The following TNIP3 variants were observed in gnomAD, a reference collection of about 807,000 sequenced individuals.
TNIP3 encodes TNFAIP3 interacting protein 3.
In TNIP3, 34 loss-of-function variants were observed where a neutral mutation model predicts 54.1. The ratio of observed to expected loss-of-function variants is 0.63; its 90% confidence interval spans 0.48 to 0.84. The LOEUF is 0.84. Among genes scored for constraint, TNIP3 ranks in the 40% least tolerant of loss-of-function variants. TNIP3 has a pLI of 0.00. For synonymous variants in TNIP3, 134 were observed against 136.8 expected (o/e 0.98, Z 0.14); for missense variants, 366 against 387.6 (o/e 0.94, Z 0.47).
In TNIP3 at chr4:121,141,890, C is replaced by T. The variant is rs746466806; in HGVS notation, c.811G>A (p.Gly271Ser). 7.8e-5 allele frequency: 124 copies of T among 1,598,138 alleles called. No homozygotes were observed. Among genetic ancestry groups the T allele is most frequent in the Non-Finnish European group, 9.6e-5 (112 of 1,172,510 alleles). ...GGATCTTGCAGGTGGAAAACCAAGC[C>T]GCAGTTACAGGGTGGGCAATACATC... The part of the protein sequence containing the change: ...KQMYCPPCNC[G>S]LVFHLQDPWV... Residue 271 changes from glycine (G) to serine (S), a missense_variant, in exon 9 of 11, where the codon GGC becomes AGC. By Grantham distance (56) the Gly-to-Ser change is moderately conservative. Transcript: ENST00000057513.
At chr4:121,140,722 T>A (rs540564263) in intron 9 of TNIP3, among the ~76,000 whole-genome samples, 7 of 152,026 alleles carry the variant, frequency 4.6e-5, no homozygotes, top group Non-Finnish European at 1.0e-4. Context: ...AAAAAAAAAT[T>A]TAATGTTATT....
chr4:121,168,542 A>C (rs1730897416), upstream of TNIP3, among the ~76,000 whole-genome samples: 1 of 142,480 alleles, frequency 7.0e-6, no homozygotes, highest in Non-Finnish European at 1.5e-5. Flanking sequence ...TTTTTAAGAG[A>C]CAGAGTTATG....
chr4:121,180,381 CA>C (rs1186306214), intron 3 of TNIP3, among the ~76,000 whole-genome samples: 1 of 151,698 alleles, frequency 6.6e-6, no homozygotes, highest in African/African-American at 2.4e-5. Context: ...GCCTGGGCGA[CA>C]GAGCGAGACT....
At chr4:121,149,307 G>A (rs560231944) in intron 6 of TNIP3, among the ~76,000 whole-genome samples, 123 of 152,248 alleles carry the variant, frequency 8.1e-4, no homozygotes, top group African/African-American at 2.8e-3. Flanking sequence ...ATCCATACAC[G>A]GGACTAGCTG....
intron 2 of TNIP3, among the ~76,000 whole-genome samples, chr4:121,212,415 T>C (rs1253280356): frequency 2.6e-5 from 4 of 152,202 alleles, no homozygotes; most frequent in Non-Finnish European, 5.9e-5. Flanking sequence ...GACTGCTTTC[T>C]TAGTGTGGAA....
Position 121,154,648 on chromosome 4 carries a change from T to C in TNIP3, c.395A>G (p.His132Arg), listed in dbSNP as rs200081710. 2 of 1,611,764 alleles carry C rather than the reference T, an allele frequency of 1.2e-6. No homozygotes were observed. The highest frequency in any genetic ancestry group is 3.4e-5 in the Admixed American group (2 of 59,504). Reference protein sequence around the residue: ...KEKERLNEELHELKEENKLLK... With the variant: ...KEKERLNEELRELKEENKLLK... The stretch of plus-strand genomic sequence containing the variant: ...AAGTTTATTCTCTTCTTTCAATTCA[T>C]GTAATTCTTCATTTAGGCGTTCCTT... The change falls in exon 5 of 11, where the codon CAT (histidine) becomes CGT (arginine). Residue 132 changes from histidine to arginine, a missense_variant. His to Arg is a conservative substitution (Grantham distance 29). Transcript: ENST00000057513.
chr4:121,202,732 GAA>G (rs1318486129), intron 2 of TNIP3, among the ~76,000 whole-genome samples: 1 of 151,826 alleles, frequency 6.6e-6, no homozygotes, highest in African/African-American at 2.4e-5. Context: ...AAATCAGCAA[GAA>G]AAAACAGATA....
At chr4:121,214,834 A>G (rs919838150) in intron 2 of TNIP3, among the ~76,000 whole-genome samples, 1 of 152,218 alleles carries the variant, frequency 6.6e-6, no homozygotes, top group African/African-American at 2.4e-5. Context: ...AAATGTATAT[A>G]AAACAGATCA....
chr4:121,161,029 A>G, intron 2 of TNIP3, 107 bp downstream of exon 2: 1 of 881,940 alleles, frequency 1.1e-6, no homozygotes, highest in Non-Finnish European at 1.8e-6. Context: ...CTTAAAGATA[A>G]ATACTGTGAC....
chr4:121,214,050 G>A (rs1342466179), intron 2 of TNIP3, among the ~76,000 whole-genome samples: 2 of 152,046 alleles, frequency 1.3e-5, no homozygotes, highest in Non-Finnish European at 2.9e-5. Context: ...ATATCAATAC[G>A]TAGGACCGAA....
At chr4:121,142,936 C>A (rs903749453) in intron 7 of TNIP3, among the ~76,000 whole-genome samples, 160 bp from the exon 8 acceptor site, 2 of 152,172 alleles carry the variant, frequency 1.3e-5, no homozygotes, top group Admixed American at 6.5e-5. Context: ...CTTAAAATTT[C>A]CAGTTGCAGT....
chr4:121,179,255 A>G (rs538247015), intron 3 of TNIP3, among the ~76,000 whole-genome samples: 1 of 152,352 alleles, frequency 6.6e-6, no homozygotes, highest in South Asian at 2.1e-4. Context: ...AATATGTACG[A>G]ACTTGGCTTT....
intron 2 of TNIP3, among the ~76,000 whole-genome samples, chr4:121,208,040 C>A (rs376867877): frequency 1.3e-5 from 2 of 152,126 alleles, no homozygotes; most frequent in East Asian, 1.9e-4. Flanking sequence ...TTTTCTCTTG[C>A]GGCCGCCATG....
At chr4:121,145,573 T>A (rs1382999318) in intron 7 of TNIP3, among the ~76,000 whole-genome samples, 1 of 150,876 alleles carries the variant, frequency 6.6e-6, no homozygotes, top group East Asian at 1.9e-4. Flanking sequence ...CTATCACCAA[T>A]CTTAATATAG....
chr4:121,136,799 G>A (rs1303451031), intron 10 of TNIP3: 1 of 146,214 alleles, frequency 6.8e-6, no homozygotes, highest in East Asian at 2.1e-4. Context: ...AGGGTACAGT[G>A]AGCTATGATC....
At chr4:121,153,213 G>T (rs971271899) in intron 5 of TNIP3, among the ~76,000 whole-genome samples, 1 of 152,044 alleles carries the variant, frequency 6.6e-6, no homozygotes, top group Non-Finnish European at 1.5e-5. Flanking sequence ...TCACCGGAAT[G>T]ATGAAAAATT....
At chr4:121,169,155 A>G (rs1255163773), upstream of TNIP3, among the ~76,000 whole-genome samples, 5 of 152,138 alleles carry the variant, frequency 3.3e-5, no homozygotes, top group Admixed American at 6.5e-5. Context: ...TAGTGAAAGC[A>G]GAACTCTTTA....
chr4:121,214,883 C>T (rs1293126382), intron 2 of TNIP3, among the ~76,000 whole-genome samples: 1 of 152,148 alleles, frequency 6.6e-6, no homozygotes, highest in African/African-American at 2.4e-5. Flanking sequence ...GGGGAGTATT[C>T]TGCTGCATGT....
intron 2 of TNIP3, among the ~76,000 whole-genome samples, chr4:121,194,195 T>A (rs941176809): frequency 2.6e-5 from 4 of 152,280 alleles, no homozygotes; most frequent in Non-Finnish European, 5.9e-5. Flanking sequence ...CAGTGGTACC[T>A]TTTTAAAATT....
Sources: gnomAD v4.1 joint callset for allele counts (sites outside exome capture counted in the v4.1 genomes callset) on GRCh38, gnomAD v4.1.1 for gene constraint, MANE v1.5 for transcripts, NCBI Gene and HGNC (gene_info 2026-07-23, HGNC 2026-07-21) for gene names.